Variants in NEK10 observed in about 807,000 individuals in gnomAD.
The protein encoded by NEK10 is serine/threonine-protein kinase Nek10.
A neutral mutation model predicts 159.8 loss-of-function variants in NEK10; 122 were observed. The ratio of observed to expected loss-of-function variants is 0.76; its 90% CI spans 0.66 to 0.89. The LOEUF is 0.89. Ranked by LOEUF, NEK10 falls within the 40% of genes least tolerant of loss-of-function variation. NEK10 has a pLI of 0.00. For missense variants in NEK10, 1,342 were observed against 1,323.1 expected (o/e 1.01, Z -0.22); for synonymous variants, 466 against 457.1 (o/e 1.02, Z -0.25).
At chr3:27,306,486 T>C (rs2044254146) in intron 11 of NEK10, among the ~76,000 whole-genome samples, 2 of 152,304 alleles carry the variant, frequency 1.3e-5, no homozygotes, top group Admixed American at 1.3e-4. Flanking sequence ...TTGTTGTAAG[T>C]GGATCTCAAT....
At chr3:27,218,214 A>G (rs1214768572) in intron 23 of NEK10, among the ~76,000 whole-genome samples, 1 of 152,210 alleles carries the variant, frequency 6.6e-6, no homozygotes, top group African/African-American at 2.4e-5. Context: ...AATGGTACGC[A>G]ATTTAAAACT....
chr3:27,344,700 T>C (rs568599281), intron 4 of NEK10, among the ~76,000 whole-genome samples: 2 of 152,228 alleles, frequency 1.3e-5, no homozygotes, highest in South Asian at 2.1e-4. Context: ...AAAGGGTAAA[T>C]GGAGAGAAAG....
At chr3:27,217,386 T>C (rs923377581) in intron 23 of NEK10, among the ~76,000 whole-genome samples, 1 of 152,220 alleles carries the variant, frequency 6.6e-6, no homozygotes, top group Non-Finnish European at 1.5e-5. Flanking sequence ...CTTTGACTCA[T>C]GGCAGAAGGT....
chr3:27,280,095 GAAAAAAAAA>G (rs1203824501), intron 22 of NEK10, among the ~76,000 whole-genome samples: 2 of 69,466 alleles, frequency 2.9e-5, no homozygotes, highest in South Asian at 6.4e-4. Flanking sequence ...CCCTAAAATG[GAAAAAAAAA>G]AAAAAAAAAA....
At position 27,304,810 on chromosome 3, in the gene NEK10, G is replaced by T; in HGVS notation, c.965C>A (p.Pro322His). Residue 322 changes from proline to histidine, a missense_variant, in exon 12 of 36, where the codon CCT becomes CAT. Coordinates refer to ENST00000691995, the MANE Select transcript of NEK10 (RefSeq NM_001394966.1). ...VWILVQVCEDPETSVEIRIWG... is the reference protein window; with the variant it reads ...VWILVQVCEDHETSVEIRIWG... ...AATGCGAATTTCCACGCTGGTCTCA[G>T]GGTCCTCACAAACCTGTACCAGAAT... 2 of 1,613,926 alleles carry T rather than the reference G, an allele frequency of 1.2e-6. No homozygotes were observed. The highest frequency in any genetic ancestry group is 1.7e-6 in the Non-Finnish European group (2 of 1,179,840).
At chr3:27,359,057 C>A (rs1283808154) in intron 1 of NEK10, among the ~76,000 whole-genome samples, 2 of 151,990 alleles carry the variant, frequency 1.3e-5, no homozygotes, top group African/African-American at 4.8e-5. Flanking sequence ...CAAAAATTAG[C>A]CAGGTGTGGT....
At chr3:27,138,827 G>A (rs987109592) in intron 31 of NEK10, among the ~76,000 whole-genome samples, 15 of 152,204 alleles carry the variant, frequency 9.9e-5, no homozygotes, top group African/African-American at 3.6e-4. Flanking sequence ...AGGTTATCCT[G>A]ATGAAGTGCC....
chr3:27,294,840 T>G (rs1188619727), intron 15 of NEK10, among the ~76,000 whole-genome samples: 1 of 152,118 alleles, frequency 6.6e-6, no homozygotes, highest in African/African-American at 2.4e-5. Context: ...TTAGGGCCAC[T>G]GCCCCCCGCC....
chr3:27,344,137 G>T, intron 5 of NEK10, 135 bp downstream of exon 5: 2 of 526,188 alleles, frequency 3.8e-6, no homozygotes, highest in Non-Finnish European at 3.3e-6. Context: ...CATCTGTAAT[G>T]CCTACTCATT....
intron 23 of NEK10, among the ~76,000 whole-genome samples, chr3:27,251,595 C>A (rs992623843): frequency 6.6e-6 from 1 of 152,144 alleles, no homozygotes; most frequent in African/African-American, 2.4e-5. Flanking sequence ...AAGAAGATAC[C>A]AGCGTCATGC....
At position 27,308,984 on chromosome 3, in the gene NEK10, C is replaced by A; in HGVS notation, c.658G>T (p.Ala220Ser). ...AHKTLVNLLG[A>S]RDTNVLLGSL... ...CCCAATAGAACATTAGTATCTCGGGCACCAAGTAAATTTACTAATGTCTGA... is the reference window on the plus strand; with the variant it reads ...CCCAATAGAACATTAGTATCTCGGGAACCAAGTAAATTTACTAATGTCTGA... Residue 220 changes from alanine (A) to serine (S), a missense_variant, in exon 10 of 36, where the codon GCC becomes TCC. By Grantham distance (99) the Ala-to-Ser change is moderately conservative. Coordinates refer to ENST00000691995, the MANE Select transcript of NEK10 (RefSeq NM_001394966.1). 1 of 1,593,556 alleles carries A rather than the reference C, an allele frequency of 6.3e-7. No individual in the cohort carries two copies. Among genetic ancestry groups the A allele is most frequent in the South Asian group, 1.1e-5 (1 of 89,484 alleles).
chr3:27,275,602 G>A (rs930220811), intron 22 of NEK10, among the ~76,000 whole-genome samples: 23 of 152,158 alleles, frequency 1.5e-4, no homozygotes, highest in Non-Finnish European at 3.4e-4. Context: ...CAAGTTCAAA[G>A]CAAGGCATGT....
chr3:27,331,237 C>CAAAAAAAAAAAAAAA lies in NEK10; in HGVS notation c.363-8977_363-8976insTTTTTTTTTTTTTTT, dbSNP rs11351970. On this transcript the variant is annotated intron_variant, in intron 5 of 35. Transcript: ENST00000691995. ...TGGGTGATAAAGTAAGACTCTGTCT[C>CAAAAAAAAAAAAAAA]AAAAAAAAAAAAACAAAAAAAAAAA... Among the ~76,000 whole-genome samples the CAAAAAAAAAAAAAAA allele has an allele frequency of 4.4e-3, 129 of 29,558 alleles. 4 individuals are homozygous for CAAAAAAAAAAAAAAA. Among genetic ancestry groups the CAAAAAAAAAAAAAAA allele is most frequent in the East Asian group, 9.8e-3 (5 of 508 alleles). The allele number at this position is 29,558 out of a possible 152,430, so 19.4% of individuals were successfully genotyped here.
chr3:27,117,995 T>C (rs771987864), intron 33 of NEK10, among the ~76,000 whole-genome samples: 36 of 152,202 alleles, frequency 2.4e-4, no homozygotes, highest in Admixed American at 4.6e-4. Context: ...AATTTTTGTA[T>C]AAGGTGTAAG....
intron 25 of NEK10, among the ~76,000 whole-genome samples, chr3:27,201,289 G>A (rs1007955443): frequency 6.6e-6 from 1 of 151,986 alleles, no homozygotes; most frequent in South Asian, 2.1e-4. Flanking sequence ...CCAAATAATC[G>A]TTCTAGTGGT....
chr3:27,177,460 G>C (rs1308408239), intron 26 of NEK10, among the ~76,000 whole-genome samples: 1 of 151,996 alleles, frequency 6.6e-6, no homozygotes, highest in East Asian at 1.9e-4. Context: ...GAGGAGAATG[G>C]CATGATCCCA....
At chr3:27,335,253 T>G (rs2046713459) in intron 5 of NEK10, among the ~76,000 whole-genome samples, 2 of 151,620 alleles carry the variant, frequency 1.3e-5, no homozygotes, top group African/African-American at 4.9e-5. Flanking sequence ...AGCAGGAGAT[T>G]CGCTTGAACC....
intron 19 of NEK10, among the ~76,000 whole-genome samples, chr3:27,289,845 C>T (rs993133903): frequency 1.3e-5 from 2 of 152,204 alleles, no homozygotes; most frequent in Admixed American, 6.5e-5. Context: ...ATAATGTACA[C>T]ACTGGAGTAG....
At chr3:27,153,370 C>T (rs1410352717) in intron 30 of NEK10, among the ~76,000 whole-genome samples, 1 of 150,330 alleles carries the variant, frequency 6.7e-6, no homozygotes, top group Non-Finnish European at 1.5e-5. Flanking sequence ...GACTTCAGTA[C>T]TCCACTGACA....
Sources: allele counts gnomAD v4.1 joint callset (sites outside exome capture counted in the v4.1 genomes callset), GRCh38; gene constraint gnomAD v4.1.1; transcripts MANE v1.5; gene names NCBI Gene and HGNC (gene_info 2026-07-23, HGNC 2026-07-21).